Variants in DAND5 observed in about 807,000 individuals in gnomAD.
DAND5 encodes the protein DAN domain family member 5.
A neutral mutation model predicts 9.2 loss-of-function variants in DAND5; 8 were observed. That is an observed-to-expected ratio of 0.87 (90% CI 0.51 to 1.56). The LOEUF is 1.56. DAND5 is among the 40% of genes most tolerant of loss of function. The pLI is 0.00. For synonymous variants in DAND5, 95 were observed against 101.1 expected (o/e 0.94, Z 0.36); for missense variants, 244 against 244.7 (o/e 1.00, Z 0.02).
At chr19:12,972,866 T>A (rs1022925478) in intron 1 of DAND5, among the ~76,000 whole-genome samples, 1 of 145,114 alleles carries the variant, frequency 6.9e-6, no homozygotes, top group African/African-American at 2.5e-5. Flanking sequence ...CTTTTCTTTT[T>A]TTTTTTTTTT....
At chr19:12,970,639 CTCTTTCTT>C (rs60689658) in intron 1 of DAND5, 59 of 458,882 alleles carry the variant, frequency 1.3e-4, no homozygotes, top group East Asian at 5.0e-4. Flanking sequence ...TTCTTTTTTT[CTCTTTCTT>C]TCTTTCTTTC....
chr19:12,971,643 G>A (rs2011145967), intron 1 of DAND5, among the ~76,000 whole-genome samples: 1 of 151,102 alleles, frequency 6.6e-6, no homozygotes, highest in African/African-American at 2.4e-5. Flanking sequence ...CTAGGCTGGA[G>A]TACAGTGGTG....
Position 12,973,554 on chromosome 19 carries a change from A to G in DAND5, c.490A>G (p.Thr164Ala), listed in dbSNP as rs1290966019. 1 of 1,614,070 alleles carries G rather than the reference A, an allele frequency of 6.2e-7. No homozygotes were observed. Residue 164 changes from threonine (T) to alanine (A), a missense_variant, in exon 2 of 2, where the codon ACT becomes GCT. Coordinates refer to ENST00000317060, the MANE Select transcript of DAND5 (RefSeq NM_152654.3). ...RWAPVVLWCL[T>A]GSSASRRRVK... ...GGCACCCGTGGTCCTGTGGTGTCTC[A>G]CTGGCAGCTCAGCCTCCCGTCGACG...
intron 1 of DAND5, among the ~76,000 whole-genome samples, chr19:12,972,861 C>CTTT (rs1212086930): frequency 2.9e-4 from 30 of 104,710 alleles, no homozygotes; most frequent in East Asian, 5.8e-4. Flanking sequence ...AATTTCTTTT[C>CTTT]TTTTTTTTTT....
chr19:12,971,780 G>A (rs1359736398), intron 1 of DAND5, among the ~76,000 whole-genome samples: 1 of 151,336 alleles, frequency 6.6e-6, no homozygotes, highest in South Asian at 2.1e-4. Flanking sequence ...TAGTAGAGGC[G>A]GGGTTTCACT....
intron 1 of DAND5, chr19:12,970,463 C>T (rs542358701): frequency 8.5e-6 from 6 of 702,266 alleles, no homozygotes; most frequent in Admixed American, 4.0e-5. Flanking sequence ...ACGGGAGTCT[C>T]GCTATGTTGC....
rs1479380477 is a variant in DAND5 at position 12,974,473 on chromosome 19, G to A, written c.*839G>A. On this transcript the variant is annotated 3_prime_UTR_variant, in exon 2 of 2. Transcript: ENST00000317060. ...ACTCCCAGTTGCAGGGAGGGTAGAT[G>A]GCCCCACCCAGACCGAGAGACACAG... 6.6e-6 allele frequency: 1 copy of A among 151,988 alleles called. No individual in the cohort carries two copies. The highest frequency in any genetic ancestry group is 1.5e-5 in the Non-Finnish European group (1 of 67,940). The allele number at this position is 151,988 out of a possible 1,614,324, so 9.4% of individuals were successfully genotyped here. A position where few individuals can be genotyped will look rare whatever the true frequency, so the allele number is the denominator to read the frequency against.
At chr19:12,970,540 G>T in intron 1 of DAND5, 1 of 625,078 alleles carries the variant, frequency 1.6e-6, no homozygotes, top group Non-Finnish European at 2.9e-6. Context: ...TTCTAGGTGT[G>T]AGCCCGTCTC....
intron 1 of DAND5, 53 bp downstream of exon 1, chr19:12,970,037 G>A: frequency 1.3e-6 from 2 of 1,598,920 alleles, no homozygotes; most frequent in Non-Finnish European, 1.7e-6. Context: ...TTGGCAGAAG[G>A]CACAGGCTGT....
At chr19:12,970,869 C>T (rs1022358673) in intron 1 of DAND5, among the ~76,000 whole-genome samples, 12 of 152,164 alleles carry the variant, frequency 7.9e-5, no homozygotes, top group Admixed American at 3.9e-4. Flanking sequence ...TTTGTAGAGA[C>T]GTGGTTTGGC....
chr19:12,970,936 C>A (rs1009747604), intron 1 of DAND5, among the ~76,000 whole-genome samples: 1 of 152,086 alleles, frequency 6.6e-6, no homozygotes, highest in African/African-American at 2.4e-5. Flanking sequence ...CTGCCTCGGC[C>A]CCCCAAGTGC....
At chr19:12,973,142 G>A (rs371192784) in intron 1 of DAND5, among the ~76,000 whole-genome samples, 169 of 152,178 alleles carry the variant, frequency 1.1e-3, no homozygotes, top group Middle Eastern at 0.01. Context: ...GATTACAGGC[G>A]TGAGCCACCG....
chr19:12,973,660 G>T lies in DAND5; in HGVS notation c.*26G>T. 1 of 1,606,038 alleles carries T rather than the reference G, an allele frequency of 6.2e-7. No individual in the cohort carries two copies. On this transcript the variant is annotated 3_prime_UTR_variant, in exon 2 of 2. Coordinates refer to ENST00000317060, the MANE Select transcript of DAND5 (RefSeq NM_152654.3). ...ACTGAGCATCGTGGATGGGTGCACG[G>T]AGACACGCACCTTGGAGAAATGAGG...
chr19:12,970,350 C>T (rs1050991063), intron 1 of DAND5: 1 of 653,682 alleles, frequency 1.5e-6, no homozygotes, highest in Non-Finnish European at 2.8e-6. Flanking sequence ...GATCCTGTTA[C>T]CTCCCTGATT....
In DAND5 at chr19:12,973,536, G is replaced by A. The variant is rs541734703; in HGVS notation, c.472G>A (p.Val158Met). 5.3e-5 allele frequency: 86 copies of A among 1,614,180 alleles called. No homozygotes were observed. Among genetic ancestry groups the A allele is most frequent in the South Asian group, 1.9e-4 (17 of 91,076 alleles). ...GCCTGCTCGCAAGCGTTGGGCACCC[G>A]TGGTCCTGTGGTGTCTCACTGGCAG... is the stretch of plus-strand genomic sequence containing the variant. ...CMPARKRWAP[V>M]VLWCLTGSSA... The change falls in exon 2 of 2, where the codon GTG becomes ATG. Residue 158 changes from valine to methionine, a missense_variant. Transcript: ENST00000317060.
Position 12,969,812 on chromosome 19 carries a change from T to G in DAND5, c.152T>G (p.Leu51Arg). Residue 51 changes from leucine to arginine, a missense_variant, in exon 1 of 2, where the codon CTG (leucine) becomes CGG (arginine). Leu to Arg is a moderately radical substitution (Grantham distance 102). Transcript: ENST00000317060. ...WALGPGALPPLVPASALGSWK... is the reference protein window; with the variant it reads ...WALGPGALPPRVPASALGSWK... ...CTGGGCCCAGGGGCCCTGCCCCCAC[T>G]GGTGCCAGCTTCTGCCCTTGGGAGC... The G allele has an allele frequency of 6.2e-7, 1 of 1,605,716 alleles. No homozygotes were observed. The highest frequency in any genetic ancestry group is 8.5e-7 in the Non-Finnish European group (1 of 1,176,086).
At chr19:12,972,269 C>T (rs2011149432) in intron 1 of DAND5, among the ~76,000 whole-genome samples, 1 of 152,024 alleles carries the variant, frequency 6.6e-6, no homozygotes, top group Non-Finnish European at 1.5e-5. Context: ...CCATATTAGC[C>T]AGGATGGTCT....
chr19:12,969,887 G>C lies in DAND5; in HGVS notation c.227G>C (p.Arg76Thr), dbSNP rs752608720. The C allele has an allele frequency of 1.9e-6, 3 of 1,614,198 alleles. No homozygotes were observed. The South Asian group carries it at 3.3e-5, about 18-fold the overall frequency. ...LQKARQLGMG[R>T]LQRGQDEVAA... ...AAAGCCAGGCAGCTGGGGATGGGCA[G>C]GCTGCAGCGTGGGCAAGACGAGGTG... The change falls in exon 1 of 2, where the codon AGG (arginine) becomes ACG (threonine). Residue 76 changes from arginine to threonine, a missense_variant. Coordinates refer to ENST00000317060, the MANE Select transcript of DAND5 (RefSeq NM_152654.3).
intron 1 of DAND5, chr19:12,970,576 TTTTC>T (rs774237927): frequency 4.4e-4 from 216 of 492,254 alleles, no homozygotes; most frequent in African/African-American, 1.2e-3. Flanking sequence ...ACTTTCTTTC[TTTTC>T]TTTCTTTCTT....
Sources: gnomAD v4.1 joint callset for allele counts (sites outside exome capture counted in the v4.1 genomes callset) on GRCh38, gnomAD v4.1.1 for gene constraint, MANE v1.5 for transcripts, NCBI Gene and HGNC (gene_info 2026-07-23, HGNC 2026-07-21) for gene names.